The following TRPM2 variants were observed in gnomAD, a reference collection of about 807,000 sequenced individuals.
TRPM2 encodes estrogen-responsive element-associated gene 1 protein.
TRPM2 carries 161 observed loss-of-function variants against 174.0 expected under a neutral mutation model. That is an observed-to-expected ratio of 0.93 (90% confidence interval 0.81 to 1.05). The LOEUF (loss-of-function observed/expected upper bound fraction) is 1.05, where lower values mean the gene tolerates loss of function less well. Among genes scored for constraint, TRPM2 ranks in the 50% least tolerant of loss-of-function variants. The pLI is 0.00. For synonymous variants in TRPM2, 954 were observed against 861.3 expected (o/e 1.11, Z -1.88); for missense variants, 2,057 against 2,038.0 (o/e 1.01, Z -0.18).
At chr21:44,406,326 C>A (rs2049875057) in intron 18 of TRPM2, among the ~76,000 whole-genome samples, 1 of 149,222 alleles carries the variant, frequency 6.7e-6, no homozygotes, top group Non-Finnish European at 1.5e-5. Flanking sequence ...TGACCGCACT[C>A]ATTCCTGGCC....
chr21:44,418,605 C>T (rs773286196), intron 22 of TRPM2, 50 bp downstream of exon 22: 2 of 1,607,624 alleles, frequency 1.2e-6, no homozygotes, highest in Non-Finnish European at 8.5e-7. Context: ...GGGGGACCTC[C>T]TGCAGGTCCA....
intron 28 of TRPM2, 91 bp downstream of exon 28, chr21:44,435,308 C>A (rs753902976): frequency 1.4e-6 from 2 of 1,418,688 alleles, no homozygotes; most frequent in Non-Finnish European, 1.9e-6. Context: ...TGCTCAGGGG[C>A]CGGGAGGGCG....
Position 44,391,418 on chromosome 21 carries a change from C to G in TRPM2, c.1587C>G (p.Ser529=), listed in dbSNP as rs372512035. ...LLYLYENLDP[S]CLFHSKLQKV... Reference sequence around the variant, plus strand: ...ACCTGTACGAGAACCTGGACCCCTCCTGCCTGTTCCACAGCAAGCTGCAGA... The same window carrying G: ...ACCTGTACGAGAACCTGGACCCCTCGTGCCTGTTCCACAGCAAGCTGCAGA... Residue 529 remains serine (S), a synonymous_variant, in exon 11 of 32, where the codon TCC becomes TCG. Transcript: ENST00000397928. This position sits in a 1 kb window ranked among gnomAD's most constrained non-coding sequence, Gnocchi z 5.0. 4 of 1,613,962 alleles carry G rather than the reference C, an allele frequency of 2.5e-6. No individual in the cohort carries two copies. In the African/African-American group the frequency reaches 4.0e-5, roughly 16 times the overall value.
Position 44,439,246 on chromosome 21 carries a change from C to G in TRPM2, c.4269+78C>G. 7.4e-7 allele frequency: 1 copy of G among 1,354,368 alleles called. No individual in the cohort carries two copies. Among genetic ancestry groups the G allele is most frequent in the South Asian group, 1.2e-5 (1 of 83,350 alleles). The allele number at this position is 1,354,368 out of a possible 1,614,324, so 83.9% of individuals were successfully genotyped here. A position where few individuals can be genotyped will look rare whatever the true frequency, so the allele number is the denominator to read the frequency against. On this transcript the variant is annotated intron_variant, in intron 30 of 31. Transcript: ENST00000397928. This position sits in a 1 kb window ranked among gnomAD's most constrained non-coding sequence, Gnocchi z 5.1. ...ACAAACACAGTGTGATACTGGGGACCTGCCCCAGCACCACTGGGTGGCAGC... is the reference window on the plus strand; with the variant it reads ...ACAAACACAGTGTGATACTGGGGACGTGCCCCAGCACCACTGGGTGGCAGC...
intron 20 of TRPM2, 43 bp downstream of exon 20, chr21:44,414,117 C>G: frequency 8.6e-5 from 128 of 1,489,346 alleles, no homozygotes; most frequent in Non-Finnish European, 1.1e-4. Context: ...GGTGGGTGGG[C>G]GGCGTTCCTG....
At chr21:44,407,610 C>T (rs1427031625) in intron 19 of TRPM2, among the ~76,000 whole-genome samples, 2 of 151,804 alleles carry the variant, frequency 1.3e-5, no homozygotes, top group African/African-American at 4.8e-5. Flanking sequence ...CACTCCCGTT[C>T]CCCTCCCCTC....
In TRPM2 at chr21:44,438,477, G is replaced by A. The variant is rs574507525; in HGVS notation, c.4168-590G>A. On this transcript the variant is annotated intron_variant, in intron 29 of 31. Transcript: ENST00000397928. This position sits in a 1 kb window ranked among gnomAD's most constrained non-coding sequence, Gnocchi z 5.9. ...GGGGCTGAGGTGGGACCGTCTTGAC[G>A]TGGCCTGCAAAGTCTTCATGAGAAA... 5.3e-5 allele frequency among the ~76,000 whole-genome samples: 8 copies of A among 152,286 alleles called. No individual in the cohort carries two copies. Among genetic ancestry groups the A allele is most frequent in the Non-Finnish European group, 7.4e-5 (5 of 68,020 alleles).
chr21:44,401,710 C>T lies in TRPM2; in HGVS notation c.2351C>T (p.Pro784Leu), dbSNP rs2049623023. The T allele has an allele frequency of 1.2e-6, 2 of 1,613,082 alleles. No homozygotes were observed. Among genetic ancestry groups the T allele is most frequent in the Non-Finnish European group, 8.5e-7 (1 of 1,179,896 alleles). The change falls in exon 16 of 32, where the codon CCC (proline) becomes CTC (leucine). Residue 784 changes from proline (P) to leucine (L), a missense_variant. By Grantham distance (98) the Pro-to-Leu change is moderately conservative. Transcript: ENST00000397928. Reference sequence around the variant, plus strand: ...AAGAGGCTGCAGGATGTGGGCACCCCCGCGGCCCGCGCCCGTGCCTTCTTC... The same window carrying T: ...AAGAGGCTGCAGGATGTGGGCACCCTCGCGGCCCGCGCCCGTGCCTTCTTC... ...REKRLQDVGT[P>L]AARARAFFTA...
At chr21:44,398,538 G>A (rs1179522881) in intron 13 of TRPM2, among the ~76,000 whole-genome samples, 2 of 151,748 alleles carry the variant, frequency 1.3e-5, no homozygotes, top group East Asian at 3.9e-4. Context: ...GTGGGTAGGG[G>A]GCCAGGCAGC....
intron 8 of TRPM2, among the ~76,000 whole-genome samples, chr21:44,379,994 G>T (rs1444842465): frequency 6.6e-6 from 1 of 152,230 alleles, no homozygotes; most frequent in African/African-American, 2.4e-5. Context: ...TGTTGAATTT[G>T]GGTTCTGTGG....
intron 16 of TRPM2, among the ~76,000 whole-genome samples, chr21:44,403,939 C>G (rs1267036611): frequency 7.7e-6 from 1 of 130,082 alleles, no homozygotes; most frequent in African/African-American, 3.1e-5. Context: ...ACACAATATA[C>G]ACATACACAT....
In TRPM2 at chr21:44,376,547, T is replaced by C. The variant is rs1205583655; in HGVS notation, c.952+534T>C. On this transcript the variant is annotated intron_variant, in intron 6 of 31. Transcript: ENST00000397928. This position sits in a 1 kb window ranked among gnomAD's most constrained non-coding sequence, Gnocchi z 4.2. Reference sequence around the variant, plus strand: ...AAGCTTGAACCACTGTGCCTGGCCCTACAATTATTTTAAACCTTGATCATG... The same window carrying C: ...AAGCTTGAACCACTGTGCCTGGCCCCACAATTATTTTAAACCTTGATCATG... 6.6e-6 allele frequency among the ~76,000 whole-genome samples: 1 copy of C among 152,178 alleles called. No homozygotes were observed. Among genetic ancestry groups the C allele is most frequent in the Non-Finnish European group, 1.5e-5 (1 of 68,036 alleles).
chr21:44,368,072 C>T (rs1450529008), intron 4 of TRPM2, among the ~76,000 whole-genome samples: 4 of 152,260 alleles, frequency 2.6e-5, no homozygotes, highest in South Asian at 2.1e-4. Context: ...GCCAGTACCA[C>T]CTTTTCAATT....
In TRPM2 at chr21:44,397,809, G is replaced by A. The variant is rs2049478383; in HGVS notation, c.1995G>A (p.Glu665=). The A allele has an allele frequency of 6.2e-7, 1 of 1,608,214 alleles. No individual in the cohort carries two copies. The highest frequency in any genetic ancestry group is 1.3e-5 in the African/African-American group (1 of 74,800). ...AGATCCTGAAGGAACTGTCCAAGGA[G>A]GAGGAGGACACGGACAGCTCGGAGG... ...CSKILKELSK[E]EEDTDSSEEM... The change falls in exon 13 of 32, where the codon GAG becomes GAA. Residue 665 remains glutamate, a synonymous_variant. Coordinates refer to ENST00000397928, the MANE Select transcript of TRPM2 (RefSeq NM_003307.4).
At position 44,438,572 on chromosome 21, in the gene TRPM2, T is replaced by G. The variant is rs2051363867; in HGVS notation, c.4168-495T>G. ...AAAGATGGGTGTGGGGAGGAGGAGGTGCAGGCCGGAGCTGGGTCCCTGAGT... is the reference window on the plus strand; with the variant it reads ...AAAGATGGGTGTGGGGAGGAGGAGGGGCAGGCCGGAGCTGGGTCCCTGAGT... On this transcript the variant is annotated intron_variant, in intron 29 of 31. Transcript: ENST00000397928. This position sits in a 1 kb window ranked among gnomAD's most constrained non-coding sequence, Gnocchi z 5.9. Among the ~76,000 whole-genome samples the G allele has an allele frequency of 6.6e-6, 1 of 151,302 alleles. No individual in the cohort carries two copies. Among genetic ancestry groups the G allele is most frequent in the Non-Finnish European group, 1.5e-5 (1 of 67,856 alleles).
intron 9 of TRPM2, among the ~76,000 whole-genome samples, chr21:44,385,657 T>C (rs778898924): frequency 6.6e-6 from 1 of 152,216 alleles, no homozygotes; most frequent in Non-Finnish European, 1.5e-5. Context: ...TATAAAGAAA[T>C]GCCCAAGACT....
At chr21:44,372,985 T>C (rs1384714478) in intron 5 of TRPM2, among the ~76,000 whole-genome samples, 2 of 152,220 alleles carry the variant, frequency 1.3e-5, no homozygotes, top group Admixed American at 6.5e-5. Flanking sequence ...GTTGTTGATA[T>C]AACATTTGTG....
chr21:44,435,235 G>C lies in TRPM2; in HGVS notation c.4061+18G>C, dbSNP rs569459957. On this transcript the variant is annotated intron_variant, in intron 28 of 31. Transcript: ENST00000397928. Reference sequence around the variant, plus strand: ...GTCACGCGGTGAGTTCATGTGTGCCGGGCACCAGCACCTCAGCAAGGCGGT... The same window carrying C: ...GTCACGCGGTGAGTTCATGTGTGCCCGGCACCAGCACCTCAGCAAGGCGGT... 1.2e-6 allele frequency: 2 copies of C among 1,609,042 alleles called. No individual in the cohort carries two copies. Among genetic ancestry groups the C allele is most frequent in the Non-Finnish European group, 1.7e-6 (2 of 1,176,706 alleles).
chr21:44,350,723 G>A (rs2047915968), upstream of TRPM2, among the ~76,000 whole-genome samples: 1 of 151,694 alleles, frequency 6.6e-6, no homozygotes, highest in South Asian at 2.1e-4. Context: ...GCACCGGTGG[G>A]GTTCGGGGCG....
Sources: allele counts gnomAD v4.1 joint callset (sites outside exome capture counted in the v4.1 genomes callset), GRCh38; gene constraint gnomAD v4.1.1; non-coding constraint Gnocchi (gnomAD v3.1); transcripts MANE v1.5; gene names NCBI Gene and HGNC (gene_info 2026-07-23, HGNC 2026-07-21).